The following CDH12 variants were observed in gnomAD, a reference collection of about 807,000 sequenced individuals.
CDH12 encodes cadherin-12.
CDH12 carries 41 observed loss-of-function variants against 74.1 expected under a neutral mutation model. That is an observed-to-expected ratio of 0.55 (90% CI 0.43 to 0.72). The LOEUF (loss-of-function observed/expected upper bound fraction) is 0.72, where lower values mean the gene tolerates loss of function less well. Among genes scored for constraint, CDH12 ranks in the 30% least tolerant of loss-of-function variants. The probability of loss-of-function intolerance (pLI) is 0.00; values close to 1 mark genes in which losing one functional copy is unlikely to be tolerated. For missense variants in CDH12, 945 were observed against 977.2 expected, an observed-to-expected ratio of 0.97 and a Z score of 0.44; for synonymous variants, 399 against 355.0, an observed-to-expected ratio of 1.12 and a Z score of -1.39.
chr5:22,701,474 A>C (rs557037070), intron 1 of CDH12, among the ~76,000 whole-genome samples: 1 of 152,266 alleles, frequency 6.6e-6, no homozygotes, highest in East Asian at 1.9e-4. Flanking sequence ...TGTCCTGAAA[A>C]CAAAATTGAA....
intron 6 of CDH12, among the ~76,000 whole-genome samples, chr5:21,857,717 A>G (rs930589361): frequency 6.6e-6 from 1 of 151,886 alleles, no homozygotes; most frequent in African/African-American, 2.4e-5. Flanking sequence ...TAACATTTAA[A>G]TGACTATGAG....
intron 2 of CDH12, among the ~76,000 whole-genome samples, chr5:22,502,939 A>G (rs1207274929): frequency 2.6e-5 from 4 of 152,148 alleles, no homozygotes; most frequent in African/African-American, 9.7e-5. Context: ...TGCCTTTTAT[A>G]CATCTATATC....
intron 3 of CDH12, among the ~76,000 whole-genome samples, chr5:22,395,295 G>C (rs1028493672): frequency 1.3e-5 from 2 of 152,046 alleles, no homozygotes; most frequent in African/African-American, 4.8e-5. Context: ...GGAAGCCAAG[G>C]GTTGTCAATG....
intron 3 of CDH12, among the ~76,000 whole-genome samples, chr5:22,383,677 C>A (rs1186700571): frequency 1.3e-5 from 2 of 152,112 alleles, no homozygotes; most frequent in South Asian, 4.1e-4. Context: ...AATAATCTCC[C>A]AATTCATGTG....
At chr5:22,233,886 G>C (rs1441278009) in intron 3 of CDH12, among the ~76,000 whole-genome samples, 1 of 152,116 alleles carries the variant, frequency 6.6e-6, no homozygotes, top group East Asian at 1.9e-4. Flanking sequence ...TGCCACCCAA[G>C]TGACAGGATT....
At chr5:22,064,020 C>T (rs947233342) in intron 5 of CDH12, among the ~76,000 whole-genome samples, 14 of 134,958 alleles carry the variant, frequency 1.0e-4, no homozygotes, top group African/African-American at 3.5e-4. Context: ...CACACACACA[C>T]AAACACACAC....
chr5:22,652,804 A>G (rs1580853426), intron 1 of CDH12, among the ~76,000 whole-genome samples: 1 of 152,284 alleles, frequency 6.6e-6, no homozygotes. Flanking sequence ...ATTTCAAGGG[A>G]GTTAGATAGT....
chr5:22,216,969 T>C lies in CDH12; in HGVS notation c.-332-4326A>G, dbSNP rs1386078188. Reference sequence around the variant, plus strand: ...AAAATGCATCTATTTGCCTAATAATTTGTGATGTTCTTTCTACCTAATTCA... The same window carrying C: ...AAAATGCATCTATTTGCCTAATAATCTGTGATGTTCTTTCTACCTAATTCA... On this transcript the variant is annotated intron_variant, in intron 3 of 14. Transcript: ENST00000382254. Among the ~76,000 whole-genome samples, 5 of 151,818 alleles carry C rather than the reference T, an allele frequency of 3.3e-5. No homozygotes were observed. The South Asian group carries it at 6.2e-4, about 19-fold the overall frequency.
At chr5:22,274,413 AAAAT>A (rs1344828650) in intron 3 of CDH12, among the ~76,000 whole-genome samples, 1 of 152,150 alleles carries the variant, frequency 6.6e-6, no homozygotes, top group Non-Finnish European at 1.5e-5. Flanking sequence ...CACTATCTCT[AAAAT>A]TAATTTATAA....
intron 1 of CDH12, among the ~76,000 whole-genome samples, chr5:22,754,878 T>C (rs1580965494): frequency 6.6e-6 from 1 of 152,198 alleles, no homozygotes; most frequent in East Asian, 1.9e-4. Flanking sequence ...AATTTTACTG[T>C]CTTATTGAGA....
chr5:22,723,304 G>A (rs777286613), intron 1 of CDH12, among the ~76,000 whole-genome samples: 44 of 151,976 alleles, frequency 2.9e-4, no homozygotes, highest in Non-Finnish European at 5.6e-4. Flanking sequence ...TACACAAAGC[G>A]TTTATACGTT....
intron 3 of CDH12, among the ~76,000 whole-genome samples, chr5:22,390,627 A>G (rs532037817): frequency 3.4e-5 from 5 of 145,156 alleles, no homozygotes; most frequent in Admixed American, 6.8e-5. Flanking sequence ...GATAGATGAT[A>G]GAATATTTTT....
At chr5:22,201,383 T>C (rs533191272) in intron 4 of CDH12, among the ~76,000 whole-genome samples, 2 of 152,270 alleles carry the variant, frequency 1.3e-5, no homozygotes, top group African/African-American at 4.8e-5. Flanking sequence ...GCAACATGGA[T>C]AGAACTGGAG....
At chr5:22,452,970 G>A (rs548674578) in intron 2 of CDH12, among the ~76,000 whole-genome samples, 1 of 146,030 alleles carries the variant, frequency 6.8e-6, no homozygotes, top group East Asian at 2.0e-4. Context: ...ATAGCCAAAA[G>A]GTATGTGAAA....
At chr5:22,462,784 A>G (rs1745573250) in intron 2 of CDH12, among the ~76,000 whole-genome samples, 1 of 152,226 alleles carries the variant, frequency 6.6e-6, no homozygotes, top group Non-Finnish European at 1.5e-5. Flanking sequence ...TGAAAGTCAG[A>G]AAAAAGTATG....
chr5:22,774,710 C>T (rs2126323480), intron 1 of CDH12, among the ~76,000 whole-genome samples: 1 of 152,140 alleles, frequency 6.6e-6, no homozygotes, highest in East Asian at 1.9e-4. Context: ...TGTGAGTTCT[C>T]CATTAAACCT....
At chr5:21,917,862 A>C (rs1754171565) in intron 6 of CDH12, among the ~76,000 whole-genome samples, 1 of 152,240 alleles carries the variant, frequency 6.6e-6, no homozygotes, top group Non-Finnish European at 1.5e-5. Context: ...CTGTGGAAAG[A>C]CTTGATTTTC....
intron 2 of CDH12, among the ~76,000 whole-genome samples, chr5:22,498,255 T>C (rs1364772707): frequency 6.6e-6 from 1 of 152,070 alleles, no homozygotes; most frequent in Non-Finnish European, 1.5e-5. Flanking sequence ...GCATTTATCA[T>C]TTTCTATAAA....
chr5:21,840,709 A>G (rs1356411441), intron 8 of CDH12, among the ~76,000 whole-genome samples: 1 of 152,116 alleles, frequency 6.6e-6, no homozygotes, highest in African/African-American at 2.4e-5. Flanking sequence ...CCGCATATCT[A>G]CAACTATCTG....
Sources: allele counts gnomAD v4.1 joint callset (sites outside exome capture counted in the v4.1 genomes callset), GRCh38; gene constraint gnomAD v4.1.1; transcripts MANE v1.5; gene names NCBI Gene and HGNC (gene_info 2026-07-23, HGNC 2026-07-21).